Variants in KSR2 observed in about 807,000 individuals in gnomAD.
KSR2 encodes the protein kinase suppressor of ras 2.
KSR2 carries 25 observed loss-of-function variants against 107.8 expected under a neutral mutation model. The ratio of observed to expected loss-of-function variants is 0.23; its 90% CI spans 0.17 to 0.32. The LOEUF (loss-of-function observed/expected upper bound fraction) is 0.32, where lower values mean the gene tolerates loss of function less well. Among genes scored for constraint, KSR2 ranks in the 10% least tolerant of loss-of-function variants. The pLI, the probability that KSR2 is intolerant of heterozygous loss-of-function variation, is 1.00. For missense variants in KSR2, 887 were observed against 1,268.9 expected, an observed-to-expected ratio of 0.70 and a Z score of 4.57; for synonymous variants, 480 against 507.0, an observed-to-expected ratio of 0.95 and a Z score of 0.71.
chr12:117,590,859 A>G (rs1880275556), intron 5 of KSR2, among the ~76,000 whole-genome samples: 1 of 152,178 alleles, frequency 6.6e-6, no homozygotes, highest in Non-Finnish European at 1.5e-5. Context: ...TAGAGCTATG[A>G]AACTCATTTT....
chr12:117,671,499 C>T (rs1884905433), intron 4 of KSR2, among the ~76,000 whole-genome samples: 1 of 152,216 alleles, frequency 6.6e-6, no homozygotes, highest in African/African-American at 2.4e-5. Context: ...CAGCACAAAG[C>T]CTGGCACATA....
chr12:117,707,185 T>G (rs1249096913), intron 4 of KSR2, among the ~76,000 whole-genome samples: 2 of 152,146 alleles, frequency 1.3e-5, no homozygotes, highest in East Asian at 3.8e-4. Context: ...AATGGGCAAA[T>G]CCACAGAGAC....
At chr12:117,744,619 C>T (rs1419913030) in intron 4 of KSR2, among the ~76,000 whole-genome samples, 1 of 152,214 alleles carries the variant, frequency 6.6e-6, no homozygotes, top group Non-Finnish European at 1.5e-5. Flanking sequence ...ATCCATCACT[C>T]TGCAGCCACT....
chr12:117,683,601 T>C (rs892419771), intron 4 of KSR2, among the ~76,000 whole-genome samples: 4 of 152,232 alleles, frequency 2.6e-5, no homozygotes, highest in Non-Finnish European at 5.9e-5. Flanking sequence ...ATAGTGCTTA[T>C]TTTAGAGATT....
At position 117,455,026 on chromosome 12, in the gene KSR2, C is replaced by CAGAGAGAGAGAGAGAGAGAG. The variant is rs776656913; in HGVS notation, c.*12172_*12173insCTCTCTCTCTCTCTCTCTCT. ...GCAGAGACAGAGACAGACACAGAGA[C>CAGAGAGAGAGAGAGAGAGAG]AGACAGACAGAGAGAGAGAGAGAGA... On this transcript the variant is annotated 3_prime_UTR_variant, in exon 20 of 20. Transcript: ENST00000339824. The CAGAGAGAGAGAGAGAGAGAG allele has an allele frequency of 8.9e-6, 1 of 112,584 alleles. No homozygotes were observed. Among genetic ancestry groups the CAGAGAGAGAGAGAGAGAGAG allele is most frequent in the African/African-American group, 3.6e-5 (1 of 27,558 alleles). The allele number at this position is 112,584 out of a possible 1,614,324, so 7.0% of individuals were successfully genotyped here. A position where few individuals can be genotyped will look rare whatever the true frequency, so the allele number is the denominator to read the frequency against.
intron 14 of KSR2, among the ~76,000 whole-genome samples, chr12:117,486,642 G>A (rs781247352): frequency 7.9e-5 from 12 of 152,178 alleles, no homozygotes; most frequent in Non-Finnish European, 1.8e-4. Flanking sequence ...TTCATTTGGT[G>A]TTTACTGAGC....
At chr12:117,851,888 TAAA>T (rs569745181) in intron 3 of KSR2, among the ~76,000 whole-genome samples, 1 of 134,626 alleles carries the variant, frequency 7.4e-6, no homozygotes, top group Non-Finnish European at 1.6e-5. Flanking sequence ...GACTCCATCT[TAAA>T]AAAAAAAAAA....
intron 3 of KSR2, among the ~76,000 whole-genome samples, chr12:117,852,320 C>G (rs913723555): frequency 1.3e-5 from 2 of 151,640 alleles, no homozygotes; most frequent in Admixed American, 1.3e-4. Flanking sequence ...CCCAGTTACT[C>G]GGGAGGCTAA....
At position 117,830,836 on chromosome 12, in the gene KSR2, T is replaced by C. The variant is rs546678085; in HGVS notation, c.472+24592A>G. ...TGATTTTTACTATTATTCTTACTAA[T>C]ACTGTCATTTCTATTGATAAAGTCT... On this transcript the variant is annotated intron_variant, in intron 3 of 19. Transcript: ENST00000339824. Among the ~76,000 whole-genome samples, 126 of 152,362 alleles carry C rather than the reference T, an allele frequency of 8.3e-4. 4 individuals carry two copies. The South Asian group carries it at 0.025, about 30-fold the overall frequency.
In KSR2 at chr12:117,968,153, T is replaced by C. The variant is rs756996551; in HGVS notation, c.103A>G (p.Ile35Val). The part of the protein sequence containing the change: ...ELVQNMIDLS[I>V]SNLEGLRTKC... Reference sequence around the variant, plus strand: ...GTCCTAAGCCCTTCCAGGTTGGAGATGCTCAAGTCTATCATGTTTTGGACC... The same window carrying C: ...GTCCTAAGCCCTTCCAGGTTGGAGACGCTCAAGTCTATCATGTTTTGGACC... Residue 35 changes from isoleucine to valine, a missense_variant, in exon 1 of 20, where the codon ATC (isoleucine) becomes GTC (valine). Around this residue, in one of 8 missense-constraint regions of KSR2, gnomAD observed 21 missense variants for 57.8 expected, o/e 0.36. Transcript: ENST00000339824. The C allele has an allele frequency of 6.2e-7, 1 of 1,612,492 alleles. No homozygotes were observed. The highest frequency in any genetic ancestry group is 8.5e-7 in the Non-Finnish European group (1 of 1,179,670).
Position 117,560,224 on chromosome 12 carries a change from C to T in KSR2, c.1326-1651G>A, listed in dbSNP as rs955254035. 5.3e-5 allele frequency among the ~76,000 whole-genome samples: 8 copies of T among 152,144 alleles called. No homozygotes were observed. The South Asian group carries it at 6.2e-4, about 12-fold the overall frequency. On this transcript the variant is annotated intron_variant, in intron 7 of 19. Transcript: ENST00000339824. ...TTGGAGGCTAGGCTGCAGCAGGCAG[C>T]ACTCTGGGTCTGAAAAAGCCCTCTA... is the stretch of plus-strand genomic sequence containing the variant.
chr12:117,743,483 A>G (rs1031641910), intron 4 of KSR2, among the ~76,000 whole-genome samples: 2 of 152,248 alleles, frequency 1.3e-5, no homozygotes, highest in Non-Finnish European at 2.9e-5. Flanking sequence ...TTTCCAGAAC[A>G]TGAACTATGC....
At chr12:117,606,939 C>T (rs1374871034) in intron 5 of KSR2, among the ~76,000 whole-genome samples, 1 of 152,080 alleles carries the variant, frequency 6.6e-6, no homozygotes, top group Admixed American at 6.5e-5. Flanking sequence ...GAGAAGAGAC[C>T]ACTGAAAGAT....
intron 7 of KSR2, among the ~76,000 whole-genome samples, chr12:117,567,606 TGTACCTGCTTTCCTTTTCCAG>T (rs1878590160): frequency 2.0e-5 from 3 of 151,272 alleles, no homozygotes; most frequent in Admixed American, 6.6e-5. Context: ...CCCTACTCTC[TGTACCTGCTTTCCTTTTCCAG>T]GTCACTGCAT....
Position 117,761,245 on chromosome 12 carries a change from G to C in KSR2, c.752C>G (p.Ser251Trp), listed in dbSNP as rs753630866. 6.5e-7 allele frequency: 1 copy of C among 1,540,216 alleles called. No individual in the cohort carries two copies. Among genetic ancestry groups the C allele is most frequent in the Non-Finnish European group, 8.7e-7 (1 of 1,145,142 alleles). The change falls in exon 4 of 20, where the codon TCG (serine) becomes TGG (tryptophan). Residue 251 changes from serine (S) to tryptophan (W), a missense_variant. Ser to Trp is a radical substitution (Grantham distance 177). This residue lies in a region of KSR2 where 399 missense variants were observed against 479.5 expected (regional missense o/e 0.83). Coordinates refer to ENST00000339824, the MANE Select transcript of KSR2 (RefSeq NM_173598.6). The stretch of plus-strand genomic sequence containing the variant: ...GCGGACCGCGTGCCGCTGCCGGGGC[G>C]ATGGGGGCAGGGAACGGTGGCCCGA... ...LESGHRSLPP[S>W]PRQRHAVRTP...
intron 3 of KSR2, among the ~76,000 whole-genome samples, chr12:117,841,783 C>G (rs373949250): frequency 1.0e-3 from 153 of 152,304 alleles, no homozygotes; most frequent in African/African-American, 2.5e-3. Flanking sequence ...CCACCACCCC[C>G]CTCCCAGGCA....
intron 4 of KSR2, among the ~76,000 whole-genome samples, chr12:117,754,690 A>G (rs1227504731): frequency 6.6e-6 from 1 of 150,626 alleles, no homozygotes; most frequent in Non-Finnish European, 1.5e-5. Flanking sequence ...AATCCCAGCT[A>G]CTTGGGAGGC....
intron 1 of KSR2, among the ~76,000 whole-genome samples, chr12:117,911,449 A>C (rs1895012372): frequency 6.6e-6 from 1 of 152,212 alleles, no homozygotes; most frequent in Non-Finnish European, 1.5e-5. Flanking sequence ...AGCCTACTAC[A>C]GAGCTGCTTC....
intron 5 of KSR2, among the ~76,000 whole-genome samples, chr12:117,614,693 T>C (rs1457432001): frequency 6.6e-6 from 1 of 152,190 alleles, no homozygotes; most frequent in Non-Finnish European, 1.5e-5. Context: ...CTGTGGAAAC[T>C]TGGGGAGAGG....
Sources: allele counts gnomAD v4.1 joint callset (sites outside exome capture counted in the v4.1 genomes callset), GRCh38; gene constraint gnomAD v4.1.1; regional missense constraint gnomAD v4.1.1; transcripts MANE v1.5; gene names NCBI Gene and HGNC (gene_info 2026-07-23, HGNC 2026-07-21).